The following NOL4 variants were observed in gnomAD, a reference collection of about 807,000 sequenced individuals.
The protein encoded by NOL4 is nucleolar protein 4.
A neutral mutation model predicts 75.9 loss-of-function variants in NOL4; 17 were observed. The observed-to-expected ratio is 0.22, with a 90% CI of 0.15 to 0.34. The LOEUF (loss-of-function observed/expected upper bound fraction) is 0.34, where lower values mean the gene tolerates loss of function less well. NOL4 is among the 10% of genes least tolerant of loss of function. The pLI is 1.00. For synonymous variants in NOL4, 292 were observed against 289.9 expected, an observed-to-expected ratio of 1.01 and a Z score of -0.07; for missense variants, 614 against 793.5, an observed-to-expected ratio of 0.77 and a Z score of 2.72.
chr18:33,952,730 G>T (rs2069328159), intron 8 of NOL4, among the ~76,000 whole-genome samples: 1 of 152,186 alleles, frequency 6.6e-6, no homozygotes, highest in African/African-American at 2.4e-5. Context: ...TTCAAGACCA[G>T]CCTGACCAAC....
At chr18:33,932,791 T>G (rs1259888107) in intron 9 of NOL4, among the ~76,000 whole-genome samples, 1 of 151,872 alleles carries the variant, frequency 6.6e-6, no homozygotes, top group Non-Finnish European at 1.5e-5. Flanking sequence ...CTGGAGAAAT[T>G]TTTTCAACTT....
chr18:34,158,745 C>T (rs1458080594), intron 1 of NOL4: 2 of 152,116 alleles, frequency 1.3e-5, no homozygotes, highest in Admixed American at 6.6e-5. Context: ...ACAAGAAACA[C>T]GCTACTTTTA....
chr18:34,192,687 T>C (rs957871148), intron 1 of NOL4, among the ~76,000 whole-genome samples: 37 of 152,204 alleles, frequency 2.4e-4, no homozygotes, highest in African/African-American at 8.2e-4. Context: ...GGCCCATATC[T>C]CACACTGCTA....
chr18:33,917,141 AAAT>A (rs2066768065), intron 9 of NOL4, among the ~76,000 whole-genome samples: 1 of 152,172 alleles, frequency 6.6e-6, no homozygotes, highest in African/African-American at 2.4e-5. Flanking sequence ...TAGATTATGC[AAAT>A]GAACTATAAC....
At chr18:34,102,227 T>C (rs1040767786) in intron 4 of NOL4, among the ~76,000 whole-genome samples, 2 of 152,080 alleles carry the variant, frequency 1.3e-5, no homozygotes, top group African/African-American at 2.4e-5. Context: ...CTTTATTATA[T>C]GTTTACCCCC....
chr18:34,045,104 A>G (rs966103266), intron 5 of NOL4, among the ~76,000 whole-genome samples: 6 of 152,046 alleles, frequency 3.9e-5, no homozygotes, highest in Non-Finnish European at 8.8e-5. Context: ...TTTGAGACAG[A>G]GGCTCACTCT....
intron 10 of NOL4, among the ~76,000 whole-genome samples, chr18:33,876,059 T>A (rs1168154214): frequency 3.3e-5 from 5 of 152,052 alleles, no homozygotes; most frequent in African/African-American, 1.2e-4. Context: ...TTTTGTTTAC[T>A]TGATGTCATT....
intron 1 of NOL4, among the ~76,000 whole-genome samples, chr18:34,160,859 T>G (rs1371550371): frequency 6.6e-6 from 1 of 152,188 alleles, no homozygotes; most frequent in Non-Finnish European, 1.5e-5. Flanking sequence ...TTTATAAATA[T>G]ACAATATATT....
chr18:33,985,381 A>C (rs2072348818), intron 6 of NOL4, among the ~76,000 whole-genome samples: 1 of 152,092 alleles, frequency 6.6e-6, no homozygotes, highest in South Asian at 2.1e-4. Context: ...GAGTTTCTAA[A>C]TATCTTAATT....
intron 1 of NOL4, among the ~76,000 whole-genome samples, chr18:34,206,330 T>A (rs1263673163): frequency 6.6e-6 from 1 of 152,098 alleles, no homozygotes; most frequent in East Asian, 1.9e-4. Flanking sequence ...AGAATAAGAG[T>A]AATCTACTTA....
chr18:34,093,716 AAT>A (rs2078634524), intron 4 of NOL4, 119 bp from the exon 5 acceptor site: 1 of 744,992 alleles, frequency 1.3e-6, no homozygotes, highest in Admixed American at 3.5e-5. Context: ...AATTCAGAAA[AAT>A]ATGTTACAAA....
At chr18:34,189,704 T>C (rs1311142023) in intron 1 of NOL4, among the ~76,000 whole-genome samples, 1 of 152,128 alleles carries the variant, frequency 6.6e-6, no homozygotes, top group Admixed American at 6.5e-5. Context: ...AATAATTCAA[T>C]CTGAAAAAAT....
chr18:33,919,183 T>C (rs910664867), intron 9 of NOL4, among the ~76,000 whole-genome samples: 1 of 152,220 alleles, frequency 6.6e-6, no homozygotes, highest in African/African-American at 2.4e-5. Flanking sequence ...GGTTGGACCC[T>C]GTTGCCATTG....
intron 1 of NOL4, among the ~76,000 whole-genome samples, chr18:34,154,319 A>G (rs1260462965): frequency 6.6e-6 from 1 of 152,042 alleles, no homozygotes; most frequent in Non-Finnish European, 1.5e-5. Context: ...AAACACTTCC[A>G]CATACGGATC....
intron 6 of NOL4, among the ~76,000 whole-genome samples, chr18:33,970,765 G>C (rs2070991492): frequency 1.3e-5 from 2 of 151,768 alleles, no homozygotes; most frequent in African/African-American, 4.9e-5. Context: ...GTGTATGTGT[G>C]TGTCAGTGGC....
intron 6 of NOL4, among the ~76,000 whole-genome samples, chr18:33,976,561 T>C (rs1415540151): frequency 6.6e-6 from 1 of 152,164 alleles, no homozygotes; most frequent in Non-Finnish European, 1.5e-5. Flanking sequence ...TAGTAGAAGG[T>C]AAAAATATCA....
intron 2 of NOL4, among the ~76,000 whole-genome samples, chr18:34,117,797 A>G (rs1253672244): frequency 1.3e-5 from 2 of 152,210 alleles, no homozygotes; most frequent in Non-Finnish European, 2.9e-5. Flanking sequence ...ATCTAATTGT[A>G]AGAAATTCGC....
At chr18:33,984,064 A>G (rs1307780664) in intron 6 of NOL4, among the ~76,000 whole-genome samples, 1 of 152,180 alleles carries the variant, frequency 6.6e-6, no homozygotes, top group Non-Finnish European at 1.5e-5. Context: ...TTCCAGGATC[A>G]TAGGAAATCG....
chr18:34,122,179 C>T (rs749681433), intron 2 of NOL4, among the ~76,000 whole-genome samples: 6 of 152,094 alleles, frequency 3.9e-5, no homozygotes, highest in Non-Finnish European at 7.4e-5. Flanking sequence ...AAAGTGTTCA[C>T]TCTGAGAGGA....
Sources: gnomAD v4.1 joint callset for allele counts (sites outside exome capture counted in the v4.1 genomes callset) on GRCh38, gnomAD v4.1.1 for gene constraint, MANE v1.5 for transcripts, NCBI Gene and HGNC (gene_info 2026-07-23, HGNC 2026-07-21) for gene names.